The following HEATR5B variants were observed in gnomAD, a reference collection of about 807,000 sequenced individuals.
HEATR5B encodes HEAT repeat containing 5B.
Under a neutral mutation model 224.1 loss-of-function variants are expected in HEATR5B, and 156 were observed. The ratio of observed to expected loss-of-function variants is 0.70; its 90% CI spans 0.61 to 0.80. The LOEUF is 0.80. HEATR5B is among the 30% of genes least tolerant of loss of function. The probability of loss-of-function intolerance (pLI) is 0.00; values close to 1 mark genes in which losing one functional copy is unlikely to be tolerated. For synonymous variants in HEATR5B, 1,027 were observed against 893.0 expected, an observed-to-expected ratio of 1.15 and a Z score of -2.68; for missense variants, 2,323 against 2,535.5, an observed-to-expected ratio of 0.92 and a Z score of 1.80.
chr2:37,016,774 G>A (rs561886481), intron 26 of HEATR5B, among the ~76,000 whole-genome samples: 4 of 152,196 alleles, frequency 2.6e-5, no homozygotes, highest in African/African-American at 9.6e-5. Context: ...TTTAAAAGTG[G>A]AGAATAAGTA....
chr2:36,999,356 G>A (rs899338745), intron 33 of HEATR5B, among the ~76,000 whole-genome samples: 1 of 152,082 alleles, frequency 6.6e-6, no homozygotes, highest in Non-Finnish European at 1.5e-5. Flanking sequence ...ACAACTTGAA[G>A]AAAACATAAA....
chr2:36,988,161 T>C (rs1242644587), intron 35 of HEATR5B, among the ~76,000 whole-genome samples: 1 of 152,186 alleles, frequency 6.6e-6, no homozygotes, highest in Admixed American at 6.5e-5. Flanking sequence ...AATCGCTGTG[T>C]TGAAATGCCA....
At chr2:36,993,352 C>G (rs1204795443) in intron 33 of HEATR5B, among the ~76,000 whole-genome samples, 1 of 151,952 alleles carries the variant, frequency 6.6e-6, no homozygotes, top group South Asian at 2.1e-4. Context: ...GCCTGGCCAA[C>G]GTGGCAAAAC....
At chr2:37,029,006 T>C in intron 22 of HEATR5B, 86 bp from the exon 23 acceptor site, 1 of 1,365,666 alleles carries the variant, frequency 7.3e-7, no homozygotes, top group Non-Finnish European at 1.0e-6. Flanking sequence ...AAGTCTTACA[T>C]ATAAATTCAC....
chr2:37,057,173 C>T (rs2148546700), intron 15 of HEATR5B, 144 bp downstream of exon 15: 1 of 521,092 alleles, frequency 1.9e-6, no homozygotes, highest in Non-Finnish European at 3.1e-6. Flanking sequence ...CACTATCTAC[C>T]ACCAGGATGC....
chr2:37,013,382 T>C (rs1010039973), intron 27 of HEATR5B, among the ~76,000 whole-genome samples: 1 of 152,206 alleles, frequency 6.6e-6, no homozygotes, highest in Non-Finnish European at 1.5e-5. Flanking sequence ...AAGGTAAAAC[T>C]AGCTATTAAA....
intron 24 of HEATR5B, among the ~76,000 whole-genome samples, chr2:37,027,195 T>C (rs572984080): frequency 6.6e-6 from 1 of 152,322 alleles, no homozygotes; most frequent in African/African-American, 2.4e-5. Context: ...GACGTCAATA[T>C]TGTTAACACA....
At chr2:37,069,929 G>A (rs796104864) in intron 7 of HEATR5B, among the ~76,000 whole-genome samples, 10 of 138,250 alleles carry the variant, frequency 7.2e-5, no homozygotes, top group African/African-American at 2.8e-4. Context: ...ATGGAGTCTC[G>A]CTCTGTCACC....
At chr2:37,062,654 T>C (rs1671356069) in intron 10 of HEATR5B, among the ~76,000 whole-genome samples, 1 of 152,234 alleles carries the variant, frequency 6.6e-6, no homozygotes, top group African/African-American at 2.4e-5. Flanking sequence ...TAGGAATGCC[T>C]ATCTCAGCCT....
intron 33 of HEATR5B, among the ~76,000 whole-genome samples, chr2:36,999,999 G>A (rs183082094): frequency 7.9e-5 from 12 of 151,668 alleles, no homozygotes; most frequent in Admixed American, 4.6e-4. Context: ...GTGACGGAGC[G>A]AGACTTTGTC....
chr2:37,037,270 C>T (rs4670649), intron 21 of HEATR5B, among the ~76,000 whole-genome samples: 13,563 of 149,948 alleles, frequency 0.09, 1,183 homozygotes, highest in East Asian at 0.51. Context: ...CTCAGCCTCC[C>T]GAATAGCTGG....
At chr2:37,059,465 T>TATA (rs1491341061) in intron 12 of HEATR5B, among the ~76,000 whole-genome samples, 46 of 45,032 alleles carry the variant, frequency 1.0e-3, no homozygotes, top group East Asian at 4.5e-3. Context: ...TATATATATA[T>TATA]TTTTTTTTTT....
At chr2:37,081,270 T>C (rs1249212847) in intron 2 of HEATR5B, among the ~76,000 whole-genome samples, 1 of 152,224 alleles carries the variant, frequency 6.6e-6, no homozygotes, top group Non-Finnish European at 1.5e-5. Context: ...GTGCACAATG[T>C]GCAGGTTTGC....
At chr2:37,036,442 C>G (rs1397571437) in intron 21 of HEATR5B, among the ~76,000 whole-genome samples, 2 of 152,122 alleles carry the variant, frequency 1.3e-5, no homozygotes, top group Non-Finnish European at 2.9e-5. Context: ...AAAGTAAATG[C>G]TGTCTACTTC....
At chr2:37,032,855 T>C (rs182587105) in intron 21 of HEATR5B, 82 bp from the exon 22 acceptor site, 20 of 1,007,190 alleles carry the variant, frequency 2.0e-5, no homozygotes, top group African/African-American at 4.9e-5. Context: ...AATATATATA[T>C]ACATACATAC....
chr2:37,078,564 AACTTTTGAGGTCT>A (rs879601962), intron 3 of HEATR5B, among the ~76,000 whole-genome samples: 5 of 152,180 alleles, frequency 3.3e-5, no homozygotes, highest in Admixed American at 3.3e-4. Context: ...TCTCCTCTAA[AACTTTTGAGGTCT>A]ACATCTATCC....
chr2:37,003,407 G>T, intron 31 of HEATR5B, 135 bp downstream of exon 31: 1 of 591,640 alleles, frequency 1.7e-6, no homozygotes. Context: ...TTGCGCTCCA[G>T]CTTGGGTGAC....
At chr2:37,031,472 T>C (rs1220307431) in intron 22 of HEATR5B, among the ~76,000 whole-genome samples, 1 of 149,968 alleles carries the variant, frequency 6.7e-6, no homozygotes, top group Non-Finnish European at 1.5e-5. Context: ...GATCTCACTA[T>C]GTTGCCCAGG....
chr2:37,045,790 G>C (rs1422062242), intron 18 of HEATR5B, among the ~76,000 whole-genome samples: 2 of 152,108 alleles, frequency 1.3e-5, no homozygotes, highest in Non-Finnish European at 2.9e-5. Flanking sequence ...CTTAAGCCTG[G>C]AAACTTTCTT....
Sources: gnomAD v4.1 joint callset for allele counts (sites outside exome capture counted in the v4.1 genomes callset) on GRCh38, gnomAD v4.1.1 for gene constraint, MANE v1.5 for transcripts, NCBI Gene and HGNC (gene_info 2026-07-23, HGNC 2026-07-21) for gene names.